LRP12: variants seen among roughly 807,000 people sequenced by gnomAD.
LRP12 encodes the protein low-density lipoprotein receptor-related protein 12.
LRP12 carries 14 observed loss-of-function variants against 66.0 expected under a neutral mutation model. That is an observed-to-expected ratio of 0.21 (90% CI 0.14 to 0.33). LRP12 has a LOEUF of 0.33. Among genes scored for constraint, LRP12 ranks in the 10% least tolerant of loss-of-function variants. The probability of loss-of-function intolerance (pLI) is 1.00; values close to 1 mark genes in which losing one functional copy is unlikely to be tolerated. For synonymous variants in LRP12, 357 were observed against 359.1 expected (o/e 0.99, Z 0.07); for missense variants, 889 against 1,053.4 (o/e 0.84, Z 2.16).
chr8:104,555,541 G>T lies in LRP12; in HGVS notation c.80-23578C>A, dbSNP rs537149426. The stretch of plus-strand genomic sequence containing the variant: ...ACTTGAAAGCAACAACAGTAAAAAA[G>T]AAATAAATAAATAAAAACACAAAGA... On this transcript the variant is annotated intron_variant, in intron 1 of 6. Coordinates refer to ENST00000276654, the MANE Select transcript of LRP12 (RefSeq NM_013437.5). 2.0e-4 allele frequency among the ~76,000 whole-genome samples: 30 copies of T among 151,880 alleles called. No homozygotes were observed. The South Asian group carries it at 4.0e-3, about 20-fold the overall frequency.
chr8:104,560,366 T>C (rs1811885367), intron 1 of LRP12, among the ~76,000 whole-genome samples: 1 of 151,496 alleles, frequency 6.6e-6, no homozygotes, highest in African/African-American at 2.4e-5. Flanking sequence ...TCAATCGTGC[T>C]TAGATATAGT....
chr8:104,562,063 A>C lies in LRP12; in HGVS notation c.79+26756T>G, dbSNP rs539813346. On this transcript the variant is annotated intron_variant, in intron 1 of 6. Coordinates refer to ENST00000276654, the MANE Select transcript of LRP12 (RefSeq NM_013437.5). ...TCTCAAATTCTACGAGCAGAAGCGT[A>C]AAGTAGTATAATCTTTCTGGAAAAC... 7.2e-5 allele frequency among the ~76,000 whole-genome samples: 11 copies of C among 152,310 alleles called. No homozygotes were observed. In the South Asian group the frequency reaches 2.3e-3, roughly 32 times the overall value.
chr8:104,498,246 T>C (rs1810769536), intron 4 of LRP12, among the ~76,000 whole-genome samples, 170 bp from the exon 5 acceptor site: 2 of 152,212 alleles, frequency 1.3e-5, no homozygotes, highest in South Asian at 4.1e-4. Context: ...AGTTCCAGGG[T>C]ACATGTGCAG....
chr8:104,550,856 T>G (rs1018820903), intron 1 of LRP12, among the ~76,000 whole-genome samples: 12 of 152,190 alleles, frequency 7.9e-5, no homozygotes, highest in African/African-American at 2.9e-4. Flanking sequence ...TTCCTACTTT[T>G]GGTCTCACAA....
rs1481511121 is a variant in LRP12 at position 104,588,945 on chromosome 8, G to T, written c.-48C>A. On this transcript the variant is annotated 5_prime_UTR_variant, in exon 1 of 7. Coordinates refer to ENST00000276654, the MANE Select transcript of LRP12 (RefSeq NM_013437.5). Reference sequence around the variant, plus strand: ...GAGGAGGAGACGGAGGAGGAGGGAGGAGAAGCTGGAGGTAGACGACGCCGA... The same window carrying T: ...GAGGAGGAGACGGAGGAGGAGGGAGTAGAAGCTGGAGGTAGACGACGCCGA... 1 of 1,425,536 alleles carries T rather than the reference G, an allele frequency of 7.0e-7. No homozygotes were observed. Among genetic ancestry groups the T allele is most frequent in the Non-Finnish European group, 9.6e-7 (1 of 1,042,448 alleles). The allele number at this position is 1,425,536 out of a possible 1,614,324, so 88.3% of individuals were successfully genotyped here.
chr8:104,530,542 T>C (rs1025721824), intron 2 of LRP12, among the ~76,000 whole-genome samples: 2 of 152,208 alleles, frequency 1.3e-5, no homozygotes, highest in East Asian at 3.9e-4. Flanking sequence ...AGCACTTTGA[T>C]GTTGGACTTT....
chr8:104,523,458 T>C (rs184456430), intron 2 of LRP12, among the ~76,000 whole-genome samples: 5 of 152,300 alleles, frequency 3.3e-5, no homozygotes, highest in Admixed American at 3.3e-4. Context: ...AAATTAATTA[T>C]ATGACATACT....
intron 3 of LRP12, chr8:104,508,509 C>T (rs1810942041): frequency 1.3e-5 from 2 of 156,072 alleles, no homozygotes; most frequent in Non-Finnish European, 2.8e-5. Context: ...CATACATACA[C>T]ATATACAGAC....
At chr8:104,529,472 C>T (rs979274151) in intron 2 of LRP12, among the ~76,000 whole-genome samples, 2 of 152,120 alleles carry the variant, frequency 1.3e-5, no homozygotes, top group African/African-American at 2.4e-5. Context: ...AATATCTTTA[C>T]TGCTGATTTC....
In LRP12 at chr8:104,548,391, A is replaced by C. The variant is rs1395487255; in HGVS notation, c.80-16428T>G. Among the ~76,000 whole-genome samples the C allele has an allele frequency of 2.0e-4, 18 of 91,712 alleles. 3 individuals carry two copies. The highest frequency in any genetic ancestry group is 9.2e-4 in the African/African-American group (18 of 19,512). 60.2% of individuals were successfully genotyped at this position (91,712 alleles called of 152,430 possible). A position where few individuals can be genotyped will look rare whatever the true frequency, so the allele number is the denominator to read the frequency against. ...TAAATATATTATATAAATATATAAT[A>C]TATATTATATAAATATATGATATAT... On this transcript the variant is annotated intron_variant, in intron 1 of 6. Transcript: ENST00000276654.
intron 1 of LRP12, among the ~76,000 whole-genome samples, chr8:104,588,564 G>A (rs993874475): frequency 1.3e-4 from 20 of 152,074 alleles, no homozygotes; most frequent in African/African-American, 4.6e-4. Context: ...CCACCCCCTC[G>A]CTCCGCCGGG....
At chr8:104,572,111 A>T (rs77133246) in intron 1 of LRP12, among the ~76,000 whole-genome samples, 6,166 of 152,364 alleles carry the variant, frequency 0.04, 189 homozygotes, top group South Asian at 0.076. Flanking sequence ...AACAATGTGC[A>T]TGAATCTCCA....
intron 6 of LRP12, among the ~76,000 whole-genome samples, 179 bp from the exon 7 acceptor site, chr8:104,491,718 G>A (rs1810634551): frequency 6.6e-6 from 1 of 151,994 alleles, no homozygotes; most frequent in Non-Finnish European, 1.5e-5. Flanking sequence ...TCCTACTACA[G>A]AATCTAATCT....
intron 1 of LRP12, among the ~76,000 whole-genome samples, chr8:104,583,770 A>G (rs1215287424): frequency 6.6e-6 from 1 of 152,178 alleles, no homozygotes; most frequent in Non-Finnish European, 1.5e-5. Context: ...CTCTTCCATA[A>G]AACAAAAGAA....
Position 104,531,916 on chromosome 8 carries a change from C to A in LRP12, c.127G>T (p.Val43Leu), listed in dbSNP as rs373560225. ...ACAAAAAATGACTTACCAGTTGACA[C>A]TCCTGAAATATGCACATTTTCAGAA... ...EHSENVHISGVSTACGETPEQ... is the reference protein window; with the variant it reads ...EHSENVHISGLSTACGETPEQ... Residue 43 changes from valine to leucine, a missense_variant, in exon 2 of 7, where the codon GTG becomes TTG. Transcript: ENST00000276654. 9 of 1,591,696 alleles carry A rather than the reference C, an allele frequency of 5.7e-6. No homozygotes were observed. Among genetic ancestry groups the A allele is most frequent in the Non-Finnish European group, 6.8e-6 (8 of 1,169,532 alleles).
intron 1 of LRP12, among the ~76,000 whole-genome samples, chr8:104,546,369 CAA>C (rs1244878506): frequency 6.6e-6 from 1 of 152,042 alleles, no homozygotes; most frequent in African/African-American, 2.4e-5. Context: ...TTCCATAACC[CAA>C]AAAAGCTCTC....
intron 2 of LRP12, among the ~76,000 whole-genome samples, chr8:104,526,231 A>G (rs1196609944): frequency 6.6e-6 from 1 of 152,008 alleles, no homozygotes; most frequent in African/African-American, 2.4e-5. Flanking sequence ...AGGAAGAATC[A>G]ATATCATGAA....
chr8:104,565,845 A>G (rs1251521534), intron 1 of LRP12, among the ~76,000 whole-genome samples: 1 of 146,524 alleles, frequency 6.8e-6, no homozygotes, highest in East Asian at 2.0e-4. Context: ...TCAGCGACAG[A>G]GCAAGACTCC....
intron 1 of LRP12, among the ~76,000 whole-genome samples, chr8:104,558,621 T>G (rs1811850868): frequency 6.6e-6 from 1 of 151,834 alleles, no homozygotes; most frequent in African/African-American, 2.4e-5. Flanking sequence ...TTAATTAAAC[T>G]AAAAAGCTTC....
Sources: allele counts gnomAD v4.1 joint callset (sites outside exome capture counted in the v4.1 genomes callset), GRCh38; gene constraint gnomAD v4.1.1; transcripts MANE v1.5; gene names NCBI Gene and HGNC (gene_info 2026-07-23, HGNC 2026-07-21).